The following BMP6 variants were observed in gnomAD, a reference collection of about 807,000 sequenced individuals.
BMP6 encodes bone morphogenetic protein 6.
In BMP6, 17 loss-of-function variants were observed where a neutral mutation model predicts 54.1. The ratio of observed to expected loss-of-function variants is 0.31; its 90% CI spans 0.22 to 0.47. The LOEUF (loss-of-function observed/expected upper bound fraction) is 0.47. Ranked by LOEUF, BMP6 falls within the 20% of genes least tolerant of loss-of-function variation. The pLI is 1.00. For synonymous variants in BMP6, 328 were observed against 291.2 expected (o/e 1.13, Z -1.28); for missense variants, 720 against 690.4 (o/e 1.04, Z -0.48).
chr6:7,808,801 C>G (rs1258605118), intron 1 of BMP6, among the ~76,000 whole-genome samples: 1 of 150,730 alleles, frequency 6.6e-6, no homozygotes, highest in African/African-American at 2.4e-5. Context: ...GTGATCCTAG[C>G]TACTCAGGAG....
At chr6:7,834,521 A>ATT (rs34500059) in intron 1 of BMP6, among the ~76,000 whole-genome samples, 15 of 149,516 alleles carry the variant, frequency 1.0e-4, no homozygotes, top group African/African-American at 2.7e-4. Context: ...AGCAATTTGA[A>ATT]TTTTTTTTTT....
At chr6:7,817,257 A>G (rs1161955997) in intron 1 of BMP6, among the ~76,000 whole-genome samples, 1 of 152,172 alleles carries the variant, frequency 6.6e-6, no homozygotes, top group Non-Finnish European at 1.5e-5. Flanking sequence ...CAACTAAACA[A>G]CACTGGACTT....
intron 2 of BMP6, among the ~76,000 whole-genome samples, chr6:7,848,138 G>A (rs532286957): frequency 6.6e-6 from 1 of 152,226 alleles, no homozygotes; most frequent in South Asian, 2.1e-4. Context: ...TCCCCTTCAT[G>A]TTTAAAAATT....
chr6:7,800,962 G>C (rs1758261418), intron 1 of BMP6, among the ~76,000 whole-genome samples: 1 of 151,860 alleles, frequency 6.6e-6, no homozygotes, highest in Non-Finnish European at 1.5e-5. Flanking sequence ...AAGTTGGTCA[G>C]TGCCACCATG....
chr6:7,862,398 G>A lies in BMP6; in HGVS notation c.1104G>A (p.Val368=), dbSNP rs17557. The A allele has an allele frequency of 2.5e-6, 4 of 1,613,888 alleles. No individual in the cohort carries two copies. Among genetic ancestry groups the A allele is most frequent in the Non-Finnish European group, 3.4e-6 (4 of 1,179,960 alleles). Residue 368 remains valine (V), a synonymous_variant, in exon 4 of 7, where the codon GTG becomes GTA. Transcript: ENST00000283147. ...TGGCTTTCTTCAAAGTGAGTGAGGT[G>A]CACGTGCGCACCACCAGGTCAGCCT... ...FMVAFFKVSE[V]HVRTTRSASS... is the part of the protein sequence containing the mutation.
At chr6:7,843,375 T>C (rs1415398289) in intron 1 of BMP6, among the ~76,000 whole-genome samples, 1 of 151,882 alleles carries the variant, frequency 6.6e-6, no homozygotes, top group Non-Finnish European at 1.5e-5. Flanking sequence ...TAACTTAGCT[T>C]CTGCAAATGC....
intron 1 of BMP6, among the ~76,000 whole-genome samples, chr6:7,757,813 C>G (rs557708746): frequency 2.0e-4 from 30 of 152,318 alleles, no homozygotes; most frequent in African/African-American, 6.7e-4. Flanking sequence ...CTTCATAGAT[C>G]AGGAATGCCC....
intron 1 of BMP6, among the ~76,000 whole-genome samples, chr6:7,732,722 AAGAT>A (rs1347775005): frequency 1.3e-5 from 2 of 152,198 alleles, no homozygotes; most frequent in Non-Finnish European, 2.9e-5. Flanking sequence ...AGCAAACTAA[AAGAT>A]AGCAGCTCTG....
chr6:7,797,199 G>T (rs969124217), intron 1 of BMP6, among the ~76,000 whole-genome samples: 2 of 152,116 alleles, frequency 1.3e-5, no homozygotes, highest in Non-Finnish European at 2.9e-5. Flanking sequence ...GAGATGACAC[G>T]CTGGAAATTT....
chr6:7,801,219 A>G (rs541273342), intron 1 of BMP6, among the ~76,000 whole-genome samples: 1 of 152,320 alleles, frequency 6.6e-6, no homozygotes, highest in East Asian at 1.9e-4. Flanking sequence ...GAATCCTCTT[A>G]AAAATTTTCT....
At chr6:7,835,192 G>T (rs1484949833) in intron 1 of BMP6, among the ~76,000 whole-genome samples, 1 of 152,150 alleles carries the variant, frequency 6.6e-6, no homozygotes, top group African/African-American at 2.4e-5. Context: ...GCACCATCTC[G>T]GCTCACTGCC....
At chr6:7,844,636 A>G (rs897033464) in intron 1 of BMP6, among the ~76,000 whole-genome samples, 6 of 151,942 alleles carry the variant, frequency 3.9e-5, no homozygotes, top group Admixed American at 2.0e-4. Flanking sequence ...ATCCCCACCA[A>G]TGTTCAGCTC....
chr6:7,845,942 TC>T (rs1379949573), intron 2 of BMP6, among the ~76,000 whole-genome samples: 1 of 152,152 alleles, frequency 6.6e-6, no homozygotes, highest in Non-Finnish European at 1.5e-5. Context: ...CAGAAAAACT[TC>T]CATGGAACAA....
rs571854703 is a variant in BMP6 at position 7,792,758 on chromosome 6, A to G, written c.665-52382A>G. On this transcript the variant is annotated intron_variant, in intron 1 of 6. Transcript: ENST00000283147. The stretch of plus-strand genomic sequence containing the variant: ...GTTGTCAGATATGAAAAATGTTTCA[A>G]TGGGCCCTACAACCAACATGTGGAA... Among the ~76,000 whole-genome samples, 9 of 152,330 alleles carry G rather than the reference A, an allele frequency of 5.9e-5. No homozygotes were observed. In the South Asian group the frequency reaches 1.2e-3, roughly 21 times the overall value.
At chr6:7,735,983 A>G (rs144812967) in intron 1 of BMP6, among the ~76,000 whole-genome samples, 1 of 152,350 alleles carries the variant, frequency 6.6e-6, no homozygotes, top group East Asian at 1.9e-4. Flanking sequence ...GAATTATAAA[A>G]TACCTCAGTT....
rs551390549 is a variant in BMP6, at chr6:7,870,552, C to T, written c.1204+8054C>T. Among the ~76,000 whole-genome samples the T allele has an allele frequency of 2.6e-5, 4 of 152,306 alleles. No individual in the cohort carries two copies. In the South Asian group the frequency reaches 8.3e-4, roughly 32 times the overall value. ...GTCTCTGCCACCTTCTTTTCCACTA[C>T]AGATCATGGAGAGTCTTGCTGAAGA... On this transcript the variant is annotated intron_variant, in intron 4 of 6. Coordinates refer to ENST00000283147, the MANE Select transcript of BMP6 (RefSeq NM_001718.6).
intron 2 of BMP6, among the ~76,000 whole-genome samples, chr6:7,858,528 C>G (rs1000386604): frequency 6.6e-6 from 1 of 151,974 alleles, no homozygotes; most frequent in African/African-American, 2.4e-5. Context: ...CAGCCTCTGC[C>G]CTGTCTGCTT....
At chr6:7,848,153 CTA>C (rs936597584) in intron 2 of BMP6, among the ~76,000 whole-genome samples, 3 of 152,088 alleles carry the variant, frequency 2.0e-5, no homozygotes, top group African/African-American at 7.2e-5. Context: ...AAAATTGAAA[CTA>C]TATTTGTAAA....
At position 7,839,933 on chromosome 6, in the gene BMP6, G is replaced by A. The variant is rs868053989; in HGVS notation, c.665-5207G>A. 1.2e-4 allele frequency among the ~76,000 whole-genome samples: 19 copies of A among 152,314 alleles called. No individual in the cohort carries two copies. The South Asian group carries it at 3.9e-3, about 32-fold the overall frequency. ...GCATTCCCATCAGCAAAGCACAAGGGTTCTAGTTTCTCTAAATCTTTATCA... is the reference window on the plus strand; with the variant it reads ...GCATTCCCATCAGCAAAGCACAAGGATTCTAGTTTCTCTAAATCTTTATCA... On this transcript the variant is annotated intron_variant, in intron 1 of 6. Coordinates refer to ENST00000283147, the MANE Select transcript of BMP6 (RefSeq NM_001718.6).
Sources: allele counts gnomAD v4.1 joint callset (sites outside exome capture counted in the v4.1 genomes callset), GRCh38; gene constraint gnomAD v4.1.1; transcripts MANE v1.5; gene names NCBI Gene and HGNC (gene_info 2026-07-23, HGNC 2026-07-21).